The following C2orf66 variants were observed in gnomAD, a reference collection of about 807,000 sequenced individuals.
The protein encoded by C2orf66 is uncharacterized protein C2orf66.
C2orf66 carries 6 observed loss-of-function variants against 7.0 expected under a neutral mutation model. The observed-to-expected ratio is 0.86, with a 90% confidence interval of 0.47 to 1.69. The LOEUF is 1.69. C2orf66 is among the 40% of genes most tolerant of loss of function. C2orf66 has a pLI of 0.01. For synonymous variants in C2orf66, 38 were observed against 43.8 expected (o/e 0.87, Z 0.52); for missense variants, 107 against 112.0 (o/e 0.96, Z 0.20).
chr2:196,825,442 A>G, the C2orf66 span, among the ~76,000 whole-genome samples: 1 of 152,190 alleles, frequency 6.6e-6, no homozygotes, highest in South Asian at 2.1e-4. Context: ...TAGATCTTAA[A>G]TATTCTCAAC....
upstream of C2orf66, among the ~76,000 whole-genome samples, chr2:196,811,596 A>C (rs1199532324): frequency 6.6e-6 from 1 of 152,192 alleles, no homozygotes; most frequent in African/African-American, 2.4e-5. Flanking sequence ...CCAAGATATC[A>C]AACCGAGGCA....
chr2:196,829,986 C>T, the C2orf66 span, among the ~76,000 whole-genome samples: 1 of 152,268 alleles, frequency 6.6e-6, no homozygotes, highest in African/African-American at 2.4e-5. Flanking sequence ...AATTCGTAAA[C>T]GTTCATATAT....
chr2:196,817,772 C>T, the C2orf66 span, among the ~76,000 whole-genome samples: 1 of 152,098 alleles, frequency 6.6e-6, no homozygotes, highest in Non-Finnish European at 1.5e-5. Context: ...AGTATTAATC[C>T]TTGCTAGGAA....
the C2orf66 span, among the ~76,000 whole-genome samples, chr2:196,824,969 C>T: frequency 1.3e-5 from 2 of 152,246 alleles, no homozygotes; most frequent in South Asian, 2.1e-4. Flanking sequence ...CATGGTGGCT[C>T]ATGTCTGTAA....
At chr2:196,817,769 A>C in the C2orf66 span, among the ~76,000 whole-genome samples, 1 of 152,072 alleles carries the variant, frequency 6.6e-6, no homozygotes, top group Non-Finnish European at 1.5e-5. Context: ...CAGAGTATTA[A>C]TCCTTGCTAG....
At chr2:196,819,881 T>C in the C2orf66 span, among the ~76,000 whole-genome samples, 1 of 152,244 alleles carries the variant, frequency 6.6e-6, no homozygotes, top group Non-Finnish European at 1.5e-5. Context: ...TAATTGTAGT[T>C]GACCAGTATT....
upstream of C2orf66, chr2:196,809,490 C>A (rs934443830): frequency 9.2e-7 from 1 of 1,092,824 alleles, no homozygotes; most frequent in African/African-American, 1.6e-5. Flanking sequence ...TTACAGCCAT[C>A]TTTTTTCCAG....
chr2:196,830,144 A>C, the C2orf66 span, among the ~76,000 whole-genome samples: 5 of 152,196 alleles, frequency 3.3e-5, no homozygotes, highest in Admixed American at 3.3e-4. Context: ...TGTAATGCTC[A>C]GGACAGCATT....
the C2orf66 span, among the ~76,000 whole-genome samples, chr2:196,824,684 T>A: frequency 1.3e-5 from 2 of 152,202 alleles, no homozygotes; most frequent in African/African-American, 4.8e-5. Flanking sequence ...ATAGACAGGT[T>A]CTGATCTGGA....
chr2:196,816,421 C>T, the C2orf66 span, among the ~76,000 whole-genome samples: 1 of 152,206 alleles, frequency 6.6e-6, no homozygotes, highest in East Asian at 1.9e-4. Flanking sequence ...ATAAAGTTGA[C>T]CCTCAGAATT....
At chr2:196,814,087 A>T (rs952369773), upstream of C2orf66, among the ~76,000 whole-genome samples, 1 of 152,236 alleles carries the variant, frequency 6.6e-6, no homozygotes, top group Non-Finnish European at 1.5e-5. Context: ...CACCCAAAGG[A>T]TTACAAATCA....
chr2:196,825,698 C>T, the C2orf66 span, among the ~76,000 whole-genome samples: 5 of 152,234 alleles, frequency 3.3e-5, no homozygotes, highest in African/African-American at 4.8e-5. Flanking sequence ...CAAGACAGCA[C>T]ATCGGGATGT....
chr2:196,823,520 G>A, the C2orf66 span, among the ~76,000 whole-genome samples: 8 of 152,094 alleles, frequency 5.3e-5, no homozygotes, highest in South Asian at 1.7e-3. Flanking sequence ...GTTACTTGGG[G>A]GGGCTGAGGC....
the C2orf66 span, among the ~76,000 whole-genome samples, chr2:196,831,705 G>A: frequency 1.5e-3 from 236 of 152,276 alleles, no homozygotes; most frequent in Middle Eastern, 6.8e-3. Flanking sequence ...ACCTGGGGCA[G>A]TCACAAGAGA....
At chr2:196,828,852 A>G in the C2orf66 span, among the ~76,000 whole-genome samples, 39,235 of 152,060 alleles carry the variant, frequency 0.26, 6,209 homozygotes, top group African/African-American at 0.45. Context: ...AGGACCACAT[A>G]AAAGTGAATT....
chr2:196,829,878 CAG>C, the C2orf66 span, among the ~76,000 whole-genome samples: 1 of 152,018 alleles, frequency 6.6e-6, no homozygotes, highest in East Asian at 1.9e-4. Context: ...GCCTGGGCAA[CAG>C]AGCGAGACTC....
the C2orf66 span, among the ~76,000 whole-genome samples, chr2:196,820,383 C>T: frequency 6.6e-6 from 1 of 152,196 alleles, no homozygotes; most frequent in Non-Finnish European, 1.5e-5. Flanking sequence ...CCATGAAGAG[C>T]ACCTTGGGAT....
the C2orf66 span, among the ~76,000 whole-genome samples, chr2:196,825,262 A>G: frequency 4.0e-3 from 600 of 151,466 alleles, 4 homozygotes; most frequent in African/African-American, 0.014. Context: ...ACTTCAATGG[A>G]TATTTCTCAA....
At chr2:196,824,262 GT>G in the C2orf66 span, among the ~76,000 whole-genome samples, 685 of 148,750 alleles carry the variant, frequency 4.6e-3, no homozygotes, top group African/African-American at 0.014. Context: ...CTTTGTAAGG[GT>G]TTTTTTTTTC....
Sources: allele counts gnomAD v4.1 joint callset (sites outside exome capture counted in the v4.1 genomes callset), GRCh38; gene constraint gnomAD v4.1.1; transcripts MANE v1.5; gene names NCBI Gene and HGNC (gene_info 2026-07-23, HGNC 2026-07-21).